DDX10: variants seen among roughly 807,000 people sequenced by gnomAD.
The protein encoded by DDX10 is DEAD-box helicase 10.
A neutral mutation model predicts 104.3 loss-of-function variants in DDX10; 74 were observed. The observed-to-expected ratio is 0.71, with a 90% CI of 0.59 to 0.86. The LOEUF is 0.86. DDX10 is among the 40% of genes least tolerant of loss of function. DDX10 has a pLI of 0.00. For missense variants in DDX10, 952 were observed against 1,040.0 expected, an observed-to-expected ratio of 0.92 and a Z score of 1.16; for synonymous variants, 351 against 353.4, an observed-to-expected ratio of 0.99 and a Z score of 0.08.
At chr11:108,708,347 T>C (rs972039983) in intron 10 of DDX10, among the ~76,000 whole-genome samples, 4 of 40 alleles carry the variant, frequency 0.1, no homozygotes, top group Non-Finnish European at 0.25. Flanking sequence ...CATTAAGGTC[T>C]TTTTTTTTTT....
intron 2 of DDX10, among the ~76,000 whole-genome samples, chr11:108,675,356 G>T (rs2094223071): frequency 1.3e-5 from 2 of 152,190 alleles, no homozygotes; most frequent in African/African-American, 4.8e-5. Flanking sequence ...TGGACCCTTG[G>T]TGTCTCTTTG....
intron 16 of DDX10, among the ~76,000 whole-genome samples, chr11:108,898,676 A>G (rs1411286821): frequency 2.0e-5 from 3 of 151,376 alleles, no homozygotes; most frequent in Non-Finnish European, 2.9e-5. Flanking sequence ...AAAAAAAAAA[A>G]CAAGCGAGAT....
intron 17 of DDX10, chr11:108,920,000 C>T (rs543395193): frequency 1.5e-4 from 23 of 152,172 alleles, no homozygotes; most frequent in Admixed American, 1.1e-3. Context: ...CCTCAATTCC[C>T]ACCCCTAATA....
At chr11:108,733,109 CT>C (rs750603316) in intron 13 of DDX10, among the ~76,000 whole-genome samples, 2,292 of 136,908 alleles carry the variant, frequency 0.017, 26 homozygotes, top group African/African-American at 0.043. Flanking sequence ...TTTAGTCCTA[CT>C]TTTTTTTTTT....
chr11:108,935,441 A>G (rs1864024661), intron 17 of DDX10, among the ~76,000 whole-genome samples: 1 of 152,192 alleles, frequency 6.6e-6, no homozygotes, highest in Non-Finnish European at 1.5e-5. Flanking sequence ...TGAAATTTTT[A>G]TGAAAAAGGC....
chr11:108,684,750 G>A (rs1193526700), intron 6 of DDX10, among the ~76,000 whole-genome samples: 1 of 147,522 alleles, frequency 6.8e-6, no homozygotes, highest in Non-Finnish European at 1.5e-5. Context: ...GGTATTTCTA[G>A]TTCTAGATCC....
At chr11:108,922,310 C>T (rs1863845156) in intron 17 of DDX10, 1 of 148,932 alleles carries the variant, frequency 6.7e-6, no homozygotes, top group African/African-American at 2.5e-5. Context: ...AAAGAAAGCA[C>T]GAGGGAGGAA....
At chr11:108,777,470 G>A (rs1357846214) in intron 13 of DDX10, among the ~76,000 whole-genome samples, 11 of 151,998 alleles carry the variant, frequency 7.2e-5, no homozygotes, top group African/African-American at 2.2e-4. Context: ...TTACAGGCGC[G>A]TGCCACTGCA....
At chr11:108,735,131 GGCAAC>G (rs1447520373) in intron 13 of DDX10, among the ~76,000 whole-genome samples, 3 of 152,150 alleles carry the variant, frequency 2.0e-5, no homozygotes, top group Non-Finnish European at 2.9e-5. Flanking sequence ...TCAAGTCCAA[GGCAAC>G]ATCTGAGGCT....
chr11:108,711,120 C>A (rs2094283706), intron 10 of DDX10, among the ~76,000 whole-genome samples: 1 of 152,200 alleles, frequency 6.6e-6, no homozygotes. Flanking sequence ...CTGACTGACA[C>A]ATCATTATGT....
At chr11:108,680,227 T>C (rs1297242036) in intron 6 of DDX10, among the ~76,000 whole-genome samples, 1 of 152,178 alleles carries the variant, frequency 6.6e-6, no homozygotes, top group Non-Finnish European at 1.5e-5. Flanking sequence ...TTTATCTCTT[T>C]TTTTCGAGAC....
intron 1 of DDX10, among the ~76,000 whole-genome samples, chr11:108,670,968 A>G (rs961569473): frequency 2.0e-5 from 3 of 152,138 alleles, no homozygotes; most frequent in African/African-American, 7.2e-5. Flanking sequence ...GAAGTATAAG[A>G]GGATGGTCAA....
At chr11:108,768,505 G>A (rs545844577) in intron 13 of DDX10, among the ~76,000 whole-genome samples, 1 of 152,296 alleles carries the variant, frequency 6.6e-6, no homozygotes, top group African/African-American at 2.4e-5. Context: ...AGAAGAGTTT[G>A]TATCAGTATC....
chr11:108,939,851 A>G (rs1864083819), intron 17 of DDX10, among the ~76,000 whole-genome samples: 1 of 152,228 alleles, frequency 6.6e-6, no homozygotes, highest in Non-Finnish European at 1.5e-5. Flanking sequence ...CCTGGTGTCC[A>G]GATAGCTGTT....
rs574466072 is a variant in DDX10, at chr11:108,677,085, G to A, written c.379G>A (p.Val127Met). ...AACATGAATTTGCTGTCTTTTTGAG[G>A]TGCTGGAAGCCTTATATCGTCTGCA... ...SGKTLAFLVP[V>M]LEALYRLQWT... The change falls in exon 4 of 18, where the codon GTG becomes ATG. Residue 127 changes from valine (V) to methionine (M), a missense_variant and splice_region_variant. Physicochemically the swap from Val to Met is conservative, Grantham distance 21. Transcript: ENST00000322536. The A allele has an allele frequency of 1.2e-6, 2 of 1,602,134 alleles. No individual in the cohort carries two copies. The highest frequency in any genetic ancestry group is 2.7e-5 in the African/African-American group (2 of 74,498).
intron 10 of DDX10, among the ~76,000 whole-genome samples, chr11:108,708,452 T>C (rs2094279684): frequency 6.6e-6 from 1 of 151,912 alleles, no homozygotes; most frequent in South Asian, 2.1e-4. Context: ...TTCAATGTGC[T>C]AATATTTTGT....
chr11:108,827,841 G>T (rs1862416186), intron 13 of DDX10, among the ~76,000 whole-genome samples: 1 of 152,136 alleles, frequency 6.6e-6, no homozygotes, highest in South Asian at 2.1e-4. Flanking sequence ...GACAAACTTT[G>T]TTCCTGTAAT....
chr11:108,858,321 G>A (rs1190483208), intron 16 of DDX10, among the ~76,000 whole-genome samples: 1 of 152,116 alleles, frequency 6.6e-6, no homozygotes, highest in Non-Finnish European at 1.5e-5. Flanking sequence ...CTCATCACTA[G>A]ACTATAAACT....
At position 108,900,201 on chromosome 11, in the gene DDX10, G is replaced by A. The variant is rs11212804; in HGVS notation, c.2305-17672G>A. Among the ~76,000 whole-genome samples, 393 of 152,166 alleles carry A rather than the reference G, an allele frequency of 2.6e-3. 3 individuals carry two copies. The highest frequency in any genetic ancestry group is 7.6e-3 in the African/African-American group (317 of 41,500). ...TGGCTCTCCCTTTGCCTTCCACTGC[G>A]ATTGTAAGCTTCCTGAGACCTCACT... On this transcript the variant is annotated intron_variant, in intron 16 of 17. Coordinates refer to ENST00000322536, the MANE Select transcript of DDX10 (RefSeq NM_004398.4).
Sources: gnomAD v4.1 joint callset for allele counts (sites outside exome capture counted in the v4.1 genomes callset) on GRCh38, gnomAD v4.1.1 for gene constraint, MANE v1.5 for transcripts, NCBI Gene and HGNC (gene_info 2026-07-23, HGNC 2026-07-21) for gene names.